UNC5B: variants seen among roughly 807,000 people sequenced by gnomAD.
The protein encoded by UNC5B is unc-5 netrin receptor B.
In UNC5B, 56 loss-of-function variants were observed where a neutral mutation model predicts 103.7. That is an observed-to-expected ratio of 0.54 (90% CI 0.44 to 0.67). The LOEUF (loss-of-function observed/expected upper bound fraction) is 0.67. Ranked by LOEUF, UNC5B falls within the 30% of genes least tolerant of loss-of-function variation. UNC5B has a pLI of 0.00. For missense variants in UNC5B, 1,194 were observed against 1,284.5 expected, an observed-to-expected ratio of 0.93 and a Z score of 1.08; for synonymous variants, 577 against 542.0, an observed-to-expected ratio of 1.06 and a Z score of -0.90.
intron 1 of UNC5B, among the ~76,000 whole-genome samples, chr10:71,265,523 T>C (rs551646726): frequency 8.5e-5 from 13 of 152,320 alleles, no homozygotes; most frequent in African/African-American, 3.1e-4. Context: ...GGAAACCAGC[T>C]CTGAGAATGA....
intron 1 of UNC5B, among the ~76,000 whole-genome samples, chr10:71,231,960 C>T (rs184013924): frequency 1.5e-4 from 23 of 152,294 alleles, no homozygotes; most frequent in Admixed American, 1.4e-3. Context: ...TGAGGATCTC[C>T]AAGGCCTCTC....
chr10:71,225,578 A>G (rs1195000252), intron 1 of UNC5B, among the ~76,000 whole-genome samples: 1 of 152,226 alleles, frequency 6.6e-6, no homozygotes. Context: ...GAGCCAGCAC[A>G]CCATCTGCCA....
chr10:71,255,276 C>T (rs1844264693), intron 1 of UNC5B, among the ~76,000 whole-genome samples: 1 of 152,112 alleles, frequency 6.6e-6, no homozygotes, highest in African/African-American at 2.4e-5. Flanking sequence ...GGAGAGATTC[C>T]CAAAAGTAGA....
chr10:71,272,877 C>CTGTT (rs112300355), intron 1 of UNC5B, among the ~76,000 whole-genome samples: 84,268 of 150,460 alleles, frequency 0.56, 24,387 homozygotes, highest in Middle Eastern at 0.7. Context: ...CATGCACTGC[C>CTGTT]TGTTTGTTTG....
rs907282460 is a variant in UNC5B at position 71,213,165 on chromosome 10, A to C, written c.79+101A>C. The C allele has an allele frequency of 3.5e-5, 36 of 1,017,214 alleles. No individual in the cohort carries two copies. The highest frequency in any genetic ancestry group is 4.3e-5 in the Non-Finnish European group (34 of 789,410). The allele number at this position is 1,017,214 out of a possible 1,614,324, so 63.0% of individuals were successfully genotyped here. On this transcript the variant is annotated intron_variant, in intron 1 of 16. Coordinates refer to ENST00000335350, the MANE Select transcript of UNC5B (RefSeq NM_170744.5). The surrounding 1 kb of genome is among the most constrained non-coding windows in gnomAD (Gnocchi z 4.1). ...CTTTCGTCGCATCGATGCGCGCAGG[A>C]AAAGCGGCAAGGGCGCCCAAGTTAG...
At chr10:71,296,551 C>T (rs367694108) in intron 14 of UNC5B, 27 bp from the exon 15 acceptor site, 2 of 1,611,334 alleles carry the variant, frequency 1.2e-6, no homozygotes, top group South Asian at 1.1e-5. Context: ...GCCTTGCCTG[C>T]CTGGTCCTGA....
At chr10:71,267,415 C>T (rs572977121) in intron 1 of UNC5B, among the ~76,000 whole-genome samples, 1 of 152,200 alleles carries the variant, frequency 6.6e-6, no homozygotes, top group Admixed American at 6.5e-5. Flanking sequence ...ATTCCTTGGC[C>T]GAGGAGGAGA....
chr10:71,258,789 G>T (rs1445719259), intron 1 of UNC5B, among the ~76,000 whole-genome samples: 2 of 152,214 alleles, frequency 1.3e-5, no homozygotes, highest in African/African-American at 4.8e-5. Context: ...CCCCAACATT[G>T]CCTTTTCCCG....
Position 71,300,468 on chromosome 10 carries a change from C to T in UNC5B, c.*1191C>T, listed in dbSNP as rs1845561649. The T allele has an allele frequency of 6.6e-6, 1 of 152,252 alleles. No homozygotes were observed. Among genetic ancestry groups the T allele is most frequent in the Admixed American group, 6.5e-5 (1 of 15,286 alleles). 9.4% of individuals were successfully genotyped at this position (152,252 alleles called of 1,614,324 possible). On this transcript the variant is annotated 3_prime_UTR_variant, in exon 17 of 17. Transcript: ENST00000335350. ...ATGTGGCCCAGAAGTGGGACTCAAA[C>T]AGAGAGATGAAGTAGGGGAGGGGAG...
At chr10:71,274,650 A>G (rs954560915) in intron 1 of UNC5B, among the ~76,000 whole-genome samples, 1 of 152,162 alleles carries the variant, frequency 6.6e-6, no homozygotes, top group Non-Finnish European at 1.5e-5. Flanking sequence ...AGAGGCAGGT[A>G]AAGGCAAATT....
intron 1 of UNC5B, among the ~76,000 whole-genome samples, chr10:71,214,475 A>G (rs1425140328): frequency 6.6e-6 from 1 of 151,812 alleles, no homozygotes; most frequent in East Asian, 1.9e-4. Flanking sequence ...AATGATGGGG[A>G]TGGGGAAGGC....
chr10:71,295,444 CTCGTCTATCCATT>C (rs1419298065), intron 13 of UNC5B, among the ~76,000 whole-genome samples: 15 of 152,312 alleles, frequency 9.8e-5, no homozygotes, highest in African/African-American at 3.4e-4. Context: ...CCAGTCATTG[CTCGTCTATCCATT>C]CATTTATCTT....
At chr10:71,227,520 CTTA>C (rs1454428452) in intron 1 of UNC5B, among the ~76,000 whole-genome samples, 1 of 151,542 alleles carries the variant, frequency 6.6e-6, no homozygotes, top group East Asian at 1.9e-4. Flanking sequence ...CACTAAATAA[CTTA>C]TTATCCATGT....
chr10:71,213,024 G>A lies in UNC5B; in HGVS notation c.39G>A (p.Leu13=). 1 of 1,423,518 alleles carries A rather than the reference G, an allele frequency of 7.0e-7. No homozygotes were observed. Among genetic ancestry groups the A allele is most frequent in the Non-Finnish European group, 9.2e-7 (1 of 1,082,856 alleles). 88.2% of individuals were successfully genotyped at this position (1,423,518 alleles called of 1,614,324 possible). ...ARSGARGALL[L]ALLLCWDPRL... Reference sequence around the variant, plus strand: ...GCGGAGCTCGGGGCGCGCTGCTGCTGGCACTGCTGCTCTGCTGGGACCCGA... The same window carrying A: ...GCGGAGCTCGGGGCGCGCTGCTGCTAGCACTGCTGCTCTGCTGGGACCCGA... Residue 13 remains leucine, a synonymous_variant, in exon 1 of 17, where the codon CTG becomes CTA. Coordinates refer to ENST00000335350, the MANE Select transcript of UNC5B (RefSeq NM_170744.5). The surrounding 1 kb of genome is among the most constrained non-coding windows in gnomAD (Gnocchi z 4.1).
intron 11 of UNC5B, 132 bp from the exon 12 acceptor site, chr10:71,293,273 G>T: frequency 9.9e-7 from 1 of 1,013,752 alleles, no homozygotes; most frequent in Non-Finnish European, 1.4e-6. Flanking sequence ...TGACCTCTGG[G>T]AATGCAGAGC....
At chr10:71,289,131 C>T (rs1845179162) in intron 8 of UNC5B, 141 bp downstream of exon 8, 1 of 1,058,054 alleles carries the variant, frequency 9.5e-7, no homozygotes, top group Admixed American at 2.4e-5. Flanking sequence ...ACACCTGACA[C>T]TGCATGTGTC....
intron 1 of UNC5B, among the ~76,000 whole-genome samples, chr10:71,253,687 G>A (rs543160660): frequency 6.6e-6 from 1 of 152,198 alleles, no homozygotes; most frequent in Non-Finnish European, 1.5e-5. Flanking sequence ...GGCATCGCCA[G>A]GGCTGCCAAG....
At chr10:71,228,056 T>A (rs1843609893) in intron 1 of UNC5B, among the ~76,000 whole-genome samples, 1 of 152,310 alleles carries the variant, frequency 6.6e-6, no homozygotes, top group Middle Eastern at 3.4e-3. Flanking sequence ...TAGACCCAAA[T>A]GTCTACGGAA....
At chr10:71,273,392 G>A (rs750812990) in intron 1 of UNC5B, among the ~76,000 whole-genome samples, 18 of 152,150 alleles carry the variant, frequency 1.2e-4, no homozygotes, top group Middle Eastern at 3.2e-3. Flanking sequence ...GGGTCAGCCT[G>A]GGCCCAGGCT....
Sources: gnomAD v4.1 joint callset for allele counts (sites outside exome capture counted in the v4.1 genomes callset) on GRCh38, gnomAD v4.1.1 for gene constraint, Gnocchi (gnomAD v3.1) non-coding constraint, MANE v1.5 for transcripts, NCBI Gene and HGNC (gene_info 2026-07-23, HGNC 2026-07-21) for gene names.